The following CHODL variants were observed in gnomAD, a reference collection of about 807,000 sequenced individuals.
CHODL encodes the protein transmembrane protein MT75.
In CHODL, 29 loss-of-function variants were observed where a neutral mutation model predicts 34.5. The ratio of observed to expected loss-of-function variants is 0.84; its 90% CI spans 0.63 to 1.15. The LOEUF is 1.15. Ranked by LOEUF, CHODL falls within the 50% of genes most tolerant of loss-of-function variation. CHODL has a pLI of 0.00. For missense variants in CHODL, 332 were observed against 332.5 expected (o/e 1.00, Z 0.01); for synonymous variants, 125 against 116.1 (o/e 1.08, Z -0.49).
chr21:18,054,896 G>T (rs991890872), intron 2 of CHODL, among the ~76,000 whole-genome samples: 1 of 151,922 alleles, frequency 6.6e-6, no homozygotes, highest in Non-Finnish European at 1.5e-5. Flanking sequence ...ATTTCTTAAC[G>T]AATTAGGCAA....
chr21:18,121,543 C>A (rs977746792), intron 2 of CHODL, among the ~76,000 whole-genome samples: 1 of 151,398 alleles, frequency 6.6e-6, no homozygotes, highest in Non-Finnish European at 1.5e-5. Flanking sequence ...AATCTCCTCA[C>A]TCATCTTCAT....
At chr21:18,044,744 C>T (rs2064420947) in intron 2 of CHODL, among the ~76,000 whole-genome samples, 1 of 151,702 alleles carries the variant, frequency 6.6e-6, no homozygotes, top group South Asian at 2.1e-4. Flanking sequence ...AGATTGTATC[C>T]TGGTCCTCTT....
At position 18,205,988 on chromosome 21, in the gene CHODL, G is replaced by C. The variant is rs370848747; in HGVS notation, c.-44-50521G>C. Reference sequence around the variant, plus strand: ...CTGATTTTTAGTTTTATTCCACTCTGGTCAGATAAGATACTTGATATAATT... The same window carrying C: ...CTGATTTTTAGTTTTATTCCACTCTCGTCAGATAAGATACTTGATATAATT... On this transcript the variant is annotated intron_variant, in intron 2 of 6. Transcript: ENST00000400127. Among the ~76,000 whole-genome samples, 15 of 152,042 alleles carry C rather than the reference G, an allele frequency of 9.9e-5. No homozygotes were observed. In the South Asian group the frequency reaches 2.3e-3, roughly 23 times the overall value.
In CHODL at chr21:18,131,150, A is replaced by G. The variant is rs555811842; in HGVS notation, c.-45+103179A>G. ...AGAGCAGAGAGAGAGAGACAGAGAG[A>G]GCAGAGAGAGAGAGAGAGATTGAAA... On this transcript the variant is annotated intron_variant, in intron 2 of 6. Coordinates refer to the CHODL transcript ENST00000400127. Among the ~76,000 whole-genome samples, 15 of 152,090 alleles carry G rather than the reference A, an allele frequency of 9.9e-5. No homozygotes were observed. In the East Asian group the frequency reaches 2.7e-3, roughly 27 times the overall value.
intron 2 of CHODL, among the ~76,000 whole-genome samples, chr21:18,136,755 T>A (rs1452313993): frequency 7.3e-6 from 1 of 136,470 alleles, no homozygotes; most frequent in East Asian, 2.1e-4. Context: ...TATATATATG[T>A]ATACACATAC....
intron 1 of CHODL, among the ~76,000 whole-genome samples, chr21:17,990,892 T>C (rs952587808): frequency 2.6e-5 from 4 of 152,124 alleles, no homozygotes; most frequent in Admixed American, 6.5e-5. Context: ...CCTACTGTGC[T>C]ATTGAATACT....
At chr21:18,120,422 T>C (rs2065465644) in intron 2 of CHODL, among the ~76,000 whole-genome samples, 1 of 152,146 alleles carries the variant, frequency 6.6e-6, no homozygotes, top group South Asian at 2.1e-4. Flanking sequence ...TATGGCTGTT[T>C]TTCTGTCCAC....
chr21:18,229,296 C>T (rs2073957998), intron 2 of CHODL, among the ~76,000 whole-genome samples: 1 of 152,202 alleles, frequency 6.6e-6, no homozygotes, highest in South Asian at 2.1e-4. Flanking sequence ...GCAAACAACC[C>T]ACAATACTTC....
intron 2 of CHODL, among the ~76,000 whole-genome samples, chr21:18,042,836 T>A (rs747473220): frequency 5.3e-5 from 8 of 151,966 alleles, no homozygotes; most frequent in Non-Finnish European, 1.2e-4. Flanking sequence ...CTTTGGTCAT[T>A]ACTTAGTCTT....
chr21:17,973,894 C>G (rs1276341309), intron 1 of CHODL, among the ~76,000 whole-genome samples: 3 of 151,920 alleles, frequency 2.0e-5, no homozygotes, highest in Non-Finnish European at 4.4e-5. Context: ...TTCTCTTCCC[C>G]TTCCTCCTTG....
At chr21:18,153,887 G>A (rs753073633) in intron 2 of CHODL, among the ~76,000 whole-genome samples, 8 of 152,126 alleles carry the variant, frequency 5.3e-5, no homozygotes, top group Non-Finnish European at 7.3e-5. Context: ...GATTGCCAGT[G>A]GTGGGATGGG....
chr21:18,155,048 C>T (rs1293972262), intron 2 of CHODL, among the ~76,000 whole-genome samples: 1 of 152,082 alleles, frequency 6.6e-6, no homozygotes, highest in Non-Finnish European at 1.5e-5. Context: ...GGGAATTGAG[C>T]GGGGCTTCTA....
At chr21:18,076,179 A>G (rs1180818697) in intron 2 of CHODL, among the ~76,000 whole-genome samples, 1 of 152,244 alleles carries the variant, frequency 6.6e-6, no homozygotes. Flanking sequence ...GCTTTGGAAT[A>G]GGATAATGGA....
chr21:18,180,384 ATCC>A (rs781428357), intron 2 of CHODL, among the ~76,000 whole-genome samples: 7 of 152,096 alleles, frequency 4.6e-5, no homozygotes, highest in Non-Finnish European at 8.8e-5. Flanking sequence ...GGCTCAAGCA[ATCC>A]TCCTGCTGGG....
intron 2 of CHODL, among the ~76,000 whole-genome samples, chr21:18,214,456 A>T (rs1054052686): frequency 4.6e-5 from 7 of 152,114 alleles, no homozygotes; most frequent in Non-Finnish European, 1.0e-4. Context: ...CCCATACAGT[A>T]CACGCCAATA....
chr21:18,137,384 A>G (rs1008652354), intron 2 of CHODL, among the ~76,000 whole-genome samples: 3 of 152,214 alleles, frequency 2.0e-5, no homozygotes, highest in Non-Finnish European at 4.4e-5. Flanking sequence ...ATTCAGGATA[A>G]TGGACAAGAA....
At chr21:18,077,738 C>T (rs1321068564) in intron 2 of CHODL, among the ~76,000 whole-genome samples, 1 of 152,104 alleles carries the variant, frequency 6.6e-6, no homozygotes, top group Non-Finnish European at 1.5e-5. Flanking sequence ...CTGAATCTGC[C>T]AACACCTTGA....
At chr21:18,180,983 CTAAA>C (rs375131547) in intron 2 of CHODL, among the ~76,000 whole-genome samples, 24 of 152,222 alleles carry the variant, frequency 1.6e-4, no homozygotes, top group African/African-American at 5.8e-4. Context: ...ATAGTAAATG[CTAAA>C]TAAATTATAA....
chr21:18,061,987 T>A (rs1490299087), intron 2 of CHODL, among the ~76,000 whole-genome samples: 1 of 152,196 alleles, frequency 6.6e-6, no homozygotes, highest in East Asian at 1.9e-4. Context: ...TGTGACATTG[T>A]ATTGTTTGCA....
Sources: gnomAD v4.1 joint callset for allele counts (sites outside exome capture counted in the v4.1 genomes callset) on GRCh38, gnomAD v4.1.1 for gene constraint, MANE v1.5 for transcripts, NCBI Gene and HGNC (gene_info 2026-07-23, HGNC 2026-07-21) for gene names.